GRM8: variants seen among roughly 807,000 people sequenced by gnomAD.
The protein encoded by GRM8 is metabotropic glutamate receptor 8.
GRM8 carries 47 observed loss-of-function variants against 87.2 expected under a neutral mutation model. That is an observed-to-expected ratio of 0.54 (90% confidence interval 0.43 to 0.69). The LOEUF (loss-of-function observed/expected upper bound fraction) is 0.69. GRM8 is among the 30% of genes least tolerant of loss of function. The probability of loss-of-function intolerance (pLI) is 0.00; values close to 1 mark genes in which losing one functional copy is unlikely to be tolerated. For synonymous variants in GRM8, 396 were observed against 404.5 expected, an observed-to-expected ratio of 0.98 and a Z score of 0.25; for missense variants, 1,019 against 1,139.2, an observed-to-expected ratio of 0.89 and a Z score of 1.52.
At chr7:126,974,108 A>G (rs781027940) in intron 3 of GRM8, among the ~76,000 whole-genome samples, 4 of 152,212 alleles carry the variant, frequency 2.6e-5, no homozygotes, top group Non-Finnish European at 5.9e-5. Context: ...ATTGAATAAA[A>G]ATTACTTTTA....
At chr7:127,166,248 T>A (rs1282265258) in intron 2 of GRM8, among the ~76,000 whole-genome samples, 1 of 152,202 alleles carries the variant, frequency 6.6e-6, no homozygotes, top group Admixed American at 6.6e-5. Context: ...TTAACATTCC[T>A]CTTTACCTCC....
chr7:126,903,565 T>TAC (rs35182354), intron 5 of GRM8, among the ~76,000 whole-genome samples: 3,767 of 118,552 alleles, frequency 0.032, 193 homozygotes, highest in Middle Eastern at 0.073. Context: ...CCTAAATACA[T>TAC]ACACACACAC....
intron 7 of GRM8, among the ~76,000 whole-genome samples, chr7:126,660,165 A>T (rs1300108179): frequency 6.6e-6 from 1 of 152,178 alleles, no homozygotes; most frequent in Non-Finnish European, 1.5e-5. Flanking sequence ...TTTAACGAGC[A>T]TTGTTTAAAA....
rs938980454 is a variant in GRM8 at position 127,234,979 on chromosome 7, T to A, written c.510+7716A>T. Among the ~76,000 whole-genome samples the A allele has an allele frequency of 3.8e-4, 58 of 152,306 alleles. 1 individual carries two copies. The highest frequency in any genetic ancestry group is 7.4e-4 in the Non-Finnish European group (50 of 68,024). On this transcript the variant is annotated intron_variant, in intron 2 of 10. Coordinates refer to ENST00000339582, the MANE Select transcript of GRM8 (RefSeq NM_000845.3). The stretch of plus-strand genomic sequence containing the variant: ...ATTTAAAAACCTGCAGTCTCTAGGG[T>A]GAATGGGTAGAAAGAGCACAGTACT...
chr7:126,666,981 C>A (rs1470715570), intron 7 of GRM8, among the ~76,000 whole-genome samples: 1 of 152,008 alleles, frequency 6.6e-6, no homozygotes, highest in Admixed American at 6.6e-5. Context: ...TTAAGAAAAA[C>A]CCAACAATAG....
At chr7:127,106,394 G>A (rs141016452) in intron 3 of GRM8, 102 bp downstream of exon 3, 1 of 867,766 alleles carries the variant, frequency 1.2e-6, no homozygotes, top group Non-Finnish European at 1.9e-6. Flanking sequence ...TGCATCTGTA[G>A]GAGTTCCAAT....
At chr7:126,802,636 C>G (rs1333737060) in intron 6 of GRM8, among the ~76,000 whole-genome samples, 1 of 152,172 alleles carries the variant, frequency 6.6e-6, no homozygotes, top group Non-Finnish European at 1.5e-5. Flanking sequence ...GAACCCCACA[C>G]CTGTGATTTT....
At chr7:126,997,186 C>A (rs1398732111) in intron 3 of GRM8, among the ~76,000 whole-genome samples, 1 of 151,104 alleles carries the variant, frequency 6.6e-6, no homozygotes, top group Non-Finnish European at 1.5e-5. Context: ...ATCATATGCT[C>A]CTGAATGACC....
intron 1 of GRM8, 83 bp from the exon 2 acceptor site, chr7:127,243,598 A>G (rs769814655): frequency 6.8e-6 from 1 of 146,832 alleles, no homozygotes; most frequent in Non-Finnish European, 1.4e-5. Flanking sequence ...CCAGCCTCTT[A>G]AAAAAAAAAT....
At chr7:127,134,967 T>C (rs1827870999) in intron 2 of GRM8, among the ~76,000 whole-genome samples, 1 of 152,084 alleles carries the variant, frequency 6.6e-6, no homozygotes, top group African/African-American at 2.4e-5. Flanking sequence ...AAATTTAACA[T>C]GATGAAAATA....
At chr7:126,866,178 G>T (rs995935203) in intron 6 of GRM8, among the ~76,000 whole-genome samples, 1 of 152,088 alleles carries the variant, frequency 6.6e-6, no homozygotes, top group Admixed American at 6.5e-5. Context: ...GGTGACTAAT[G>T]GTGTTGAGCA....
intron 3 of GRM8, among the ~76,000 whole-genome samples, chr7:126,986,194 T>C (rs1249885516): frequency 1.3e-5 from 2 of 151,964 alleles, no homozygotes; most frequent in Non-Finnish European, 2.9e-5. Context: ...TTTTAAAACA[T>C]TTTTTGTAGA....
chr7:126,650,778 A>C (rs1446572512), intron 7 of GRM8, among the ~76,000 whole-genome samples: 1 of 152,002 alleles, frequency 6.6e-6, no homozygotes. Context: ...AGGATAACCC[A>C]TTCAATGGAT....
intron 3 of GRM8, among the ~76,000 whole-genome samples, chr7:127,015,384 G>C (rs1419167062): frequency 6.6e-6 from 1 of 152,134 alleles, no homozygotes; most frequent in Admixed American, 6.6e-5. Flanking sequence ...TGTGTCCAGA[G>C]ATTTGTGATA....
At chr7:126,903,657 A>G (rs914323913) in intron 5 of GRM8, among the ~76,000 whole-genome samples, 12 of 107,030 alleles carry the variant, frequency 1.1e-4, no homozygotes, top group African/African-American at 3.6e-4. Flanking sequence ...GTATATGTGT[A>G]TATATATATG....
chr7:127,153,004 C>T (rs1792495364), intron 2 of GRM8, among the ~76,000 whole-genome samples: 1 of 152,098 alleles, frequency 6.6e-6, no homozygotes, highest in Non-Finnish European at 1.5e-5. Flanking sequence ...AAGTATTTAA[C>T]ACCCTCCCCA....
At chr7:127,058,975 G>T (rs980468404) in intron 3 of GRM8, among the ~76,000 whole-genome samples, 1 of 152,094 alleles carries the variant, frequency 6.6e-6, no homozygotes, top group African/African-American at 2.4e-5. Flanking sequence ...AGGTACAAGG[G>T]CTCAGATGAA....
chr7:126,476,251 A>G (rs929631364), intron 9 of GRM8, among the ~76,000 whole-genome samples: 2 of 152,074 alleles, frequency 1.3e-5, no homozygotes, highest in Admixed American at 6.6e-5. Flanking sequence ...ACTCATCTCT[A>G]AAAATATGAA....
In GRM8 at chr7:126,766,363, C is replaced by T. The variant is rs547353176; in HGVS notation, c.1357+3502G>A. Among the ~76,000 whole-genome samples, 25 of 152,162 alleles carry T rather than the reference C, an allele frequency of 1.6e-4. 3 individuals are homozygous for T. Among genetic ancestry groups the T allele is most frequent in the Admixed American group, 1.6e-3 (25 of 15,250 alleles). On this transcript the variant is annotated intron_variant, in intron 7 of 10. Coordinates refer to ENST00000339582, the MANE Select transcript of GRM8 (RefSeq NM_000845.3). ...TTTACTATCCCAAACTAAAAAGGAG[C>T]ATACAAAGAAATGTATCCTGATATC...
Sources: allele counts gnomAD v4.1 joint callset (sites outside exome capture counted in the v4.1 genomes callset), GRCh38; gene constraint gnomAD v4.1.1; transcripts MANE v1.5; gene names NCBI Gene and HGNC (gene_info 2026-07-23, HGNC 2026-07-21).